The following VLDLR variants were observed in gnomAD, a reference collection of about 807,000 sequenced individuals.
VLDLR encodes the protein very low density lipoprotein receptor.
In VLDLR, 81 loss-of-function variants were observed where a neutral mutation model predicts 112.7. The ratio of observed to expected loss-of-function variants is 0.72; its 90% CI spans 0.60 to 0.86. The LOEUF (loss-of-function observed/expected upper bound fraction) is 0.86. VLDLR is among the 40% of genes least tolerant of loss of function. VLDLR has a pLI of 0.00. For missense variants in VLDLR, 1,237 were observed against 1,099.4 expected, an observed-to-expected ratio of 1.13 and a Z score of -1.77; for synonymous variants, 436 against 384.8, an observed-to-expected ratio of 1.13 and a Z score of -1.56.
rs1818707535 is a variant in VLDLR at position 2,659,034 on chromosome 9, T to A, written c.*5166T>A. ...ACCTCCTAGGACATGGAAACAAATA[T>A]TTGGGAGCCTGCATAGTCTTTAGAT... On this transcript the variant is annotated 3_prime_UTR_variant, in exon 19 of 19. Coordinates refer to ENST00000382100, the MANE Select transcript of VLDLR (RefSeq NM_003383.5). 1 of 152,148 alleles carries A rather than the reference T, an allele frequency of 6.6e-6. No homozygotes were observed. The highest frequency in any genetic ancestry group is 1.5e-5 in the Non-Finnish European group (1 of 68,022). 9.4% of individuals were successfully genotyped at this position (152,148 alleles called of 1,614,324 possible).
rs58761390 is a variant in VLDLR, at chr9:2,657,491, C to G, written c.*3623C>G. 3 of 152,266 alleles carry G rather than the reference C, an allele frequency of 2.0e-5. No homozygotes were observed. The highest frequency in any genetic ancestry group is 4.2e-4 in the South Asian group (2 of 4,812). The allele number at this position is 152,266 out of a possible 1,614,324, so 9.4% of individuals were successfully genotyped here. On this transcript the variant is annotated 3_prime_UTR_variant, in exon 19 of 19. Coordinates refer to ENST00000382100, the MANE Select transcript of VLDLR (RefSeq NM_003383.5). ...ACATCAAACTCCTAACAAGTAGGAG[C>G]AGCAACTAGCTAAAGAGTAGAAAGA...
Position 2,648,676 on chromosome 9 carries a change from T to A in VLDLR, c.1970T>A (p.Val657Asp). ...PLALTIFEDRVYWIDGENEAV... is the reference protein window; with the variant it reads ...PLALTIFEDRDYWIDGENEAV... ...TGTGGGCTTCTGTTTTAGGATCGTG[T>A]CTACTGGATAGATGGGGAAAATGAA... The change falls in exon 14 of 19, where the codon GTC becomes GAC. Residue 657 changes from valine (V) to aspartate (D), a missense_variant. Coordinates refer to ENST00000382100, the MANE Select transcript of VLDLR (RefSeq NM_003383.5). The A allele has an allele frequency of 6.2e-7, 1 of 1,614,214 alleles. No individual in the cohort carries two copies. The highest frequency in any genetic ancestry group is 8.5e-7 in the Non-Finnish European group (1 of 1,180,030).
Position 2,659,628 on chromosome 9 carries a change from C to CT in VLDLR, c.*5762dup, listed in dbSNP as rs2130823909. On this transcript the variant is annotated 3_prime_UTR_variant, in exon 19 of 19. Coordinates refer to ENST00000382100, the MANE Select transcript of VLDLR (RefSeq NM_003383.5). ...GAAAACAAACTGTACCACAACAAAT[C>CT]TTAAGTTTCAAGGCTCTCCTATAGG... 6.6e-6 allele frequency: 1 copy of CT among 152,294 alleles called. No individual in the cohort carries two copies. The highest frequency in any genetic ancestry group is 2.4e-5 in the African/African-American group (1 of 41,570). The allele number at this position is 152,294 out of a possible 1,614,324, so 9.4% of individuals were successfully genotyped here. A position where few individuals can be genotyped will look rare whatever the true frequency, so the allele number is the denominator to read the frequency against.
intron 1 of VLDLR, among the ~76,000 whole-genome samples, chr9:2,630,088 C>T (rs1426797683): frequency 6.6e-6 from 1 of 152,206 alleles, no homozygotes; most frequent in African/African-American, 2.4e-5. Context: ...GCCACCGTGC[C>T]TGGCCCAAAC....
intron 4 of VLDLR, 91 bp from the exon 5 acceptor site, chr9:2,643,069 G>C (rs1817893225): frequency 6.3e-7 from 1 of 1,580,774 alleles, no homozygotes; most frequent in Admixed American, 1.7e-5. Flanking sequence ...TAGGATTAAT[G>C]AATAAAGATC....
chr9:2,653,728 C>CTGAG (rs371416092), intron 18 of VLDLR, 105 bp from the exon 19 acceptor site: 3 of 1,180,608 alleles, frequency 2.5e-6, no homozygotes, highest in African/African-American at 1.5e-5. Context: ...TCTAAGCACT[C>CTGAG]TGAGTGTTTG....
At chr9:2,644,355 G>A (rs2078560263) in intron 7 of VLDLR, among the ~76,000 whole-genome samples, 1 of 134,040 alleles carries the variant, frequency 7.5e-6, no homozygotes. Context: ...ATTTTTAGTA[G>A]AGACAGGGTT....
chr9:2,645,803 A>G, intron 10 of VLDLR, 58 bp downstream of exon 10: 1 of 1,605,452 alleles, frequency 6.2e-7, no homozygotes, highest in Non-Finnish European at 8.5e-7. Context: ...TTGGGAAGTG[A>G]TCTGTGGGAT....
Position 2,648,680 on chromosome 9 carries a change from C to T in VLDLR, c.1974C>T (p.Tyr658=). 6.2e-7 allele frequency: 1 copy of T among 1,614,156 alleles called. No homozygotes were observed. Residue 658 remains tyrosine (Y), a synonymous_variant, in exon 14 of 19, where the codon TAC becomes TAT. Coordinates refer to ENST00000382100, the MANE Select transcript of VLDLR (RefSeq NM_003383.5). ...GGCTTCTGTTTTAGGATCGTGTCTA[C>T]TGGATAGATGGGGAAAATGAAGCAG... ...LALTIFEDRV[Y]WIDGENEAVY...
At chr9:2,625,257 G>A (rs1055286441) in intron 1 of VLDLR, among the ~76,000 whole-genome samples, 1 of 152,178 alleles carries the variant, frequency 6.6e-6, no homozygotes, top group Non-Finnish European at 1.5e-5. Flanking sequence ...GACTTAACAA[G>A]AACTCCTAGA....
In VLDLR at chr9:2,656,384, A is replaced by T. The variant is rs929135103; in HGVS notation, c.*2516A>T. ...CAAGGCAGGAGGATCACTTGAGGCC[A>T]GGAGTTCGAGACCAGCCTGAGCAAC... On this transcript the variant is annotated 3_prime_UTR_variant, in exon 19 of 19. Coordinates refer to ENST00000382100, the MANE Select transcript of VLDLR (RefSeq NM_003383.5). 1 of 152,236 alleles carries T rather than the reference A, an allele frequency of 6.6e-6. No individual in the cohort carries two copies. Among genetic ancestry groups the T allele is most frequent in the Non-Finnish European group, 1.5e-5 (1 of 68,072 alleles). 9.4% of individuals were successfully genotyped at this position (152,236 alleles called of 1,614,324 possible).
chr9:2,647,698 C>G, intron 12 of VLDLR, 106 bp downstream of exon 12: 2 of 1,025,988 alleles, frequency 1.9e-6, no homozygotes, highest in Admixed American at 3.4e-5. Context: ...CTGCTTCCGC[C>G]TAAATTCTAG....
rs1818069960 is a variant in VLDLR, at chr9:2,646,361, A to G, written c.1512A>G (p.Arg504=). The change falls in exon 11 of 19, where the codon AGA becomes AGG. Residue 504 remains arginine (R), a synonymous_variant. Coordinates refer to ENST00000382100, the MANE Select transcript of VLDLR (RefSeq NM_003383.5). ...CCTCAATTGATGACAAGGTTGGTAG[A>G]CATGTTAAAATGATCGACAATGTCT... ...FSASIDDKVG[R]HVKMIDNVYN... The G allele has an allele frequency of 6.2e-7, 1 of 1,614,186 alleles. No homozygotes were observed. The highest frequency in any genetic ancestry group is 8.5e-7 in the Non-Finnish European group (1 of 1,180,022).
At chr9:2,636,595 G>C (rs893461852) in intron 2 of VLDLR, among the ~76,000 whole-genome samples, 21 of 152,214 alleles carry the variant, frequency 1.4e-4, no homozygotes, top group African/African-American at 5.1e-4. Context: ...AGCTCCTTTA[G>C]AAGCATAAGA....
intron 2 of VLDLR, among the ~76,000 whole-genome samples, chr9:2,638,386 A>T (rs1228720939): frequency 6.6e-6 from 1 of 152,202 alleles, no homozygotes; most frequent in Non-Finnish European, 1.5e-5. Context: ...ACCTGCTTTA[A>T]ACCAGTGATT....
At chr9:2,630,926 T>C (rs1817321699) in intron 1 of VLDLR, among the ~76,000 whole-genome samples, 1 of 152,160 alleles carries the variant, frequency 6.6e-6, no homozygotes, top group South Asian at 2.1e-4. Flanking sequence ...CAAACTATTA[T>C]CTGACAGGAG....
chr9:2,644,650 G>C, intron 7 of VLDLR, 84 bp from the exon 8 acceptor site: 1 of 1,594,308 alleles, frequency 6.3e-7, no homozygotes. Flanking sequence ...AACTAGATAA[G>C]TTATCACAAA....
In VLDLR at chr9:2,656,528, C is replaced by CTTT. The variant is rs1818616235; in HGVS notation, c.*2661_*2662insTTT. ...TAATAGTGCATGAATGATAACAGGC[C>CTTT]TCGGCTTTATCACCCAAAAAATAAC... On this transcript the variant is annotated 3_prime_UTR_variant, in exon 19 of 19. Coordinates refer to ENST00000382100, the MANE Select transcript of VLDLR (RefSeq NM_003383.5). 2 of 152,048 alleles carry CTTT rather than the reference C, an allele frequency of 1.3e-5. No homozygotes were observed. The highest frequency in any genetic ancestry group is 2.9e-5 in the Non-Finnish European group (2 of 68,018). The allele number at this position is 152,048 out of a possible 1,614,324, so 9.4% of individuals were successfully genotyped here. A position where few individuals can be genotyped will look rare whatever the true frequency, so the allele number is the denominator to read the frequency against.
At chr9:2,642,445 G>T (rs1817873009) in intron 4 of VLDLR, among the ~76,000 whole-genome samples, 1 of 152,162 alleles carries the variant, frequency 6.6e-6, no homozygotes, top group Non-Finnish European at 1.5e-5. Flanking sequence ...GCTGCCAAGT[G>T]TTTCCCTTAT....
Sources: gnomAD v4.1 joint callset for allele counts (sites outside exome capture counted in the v4.1 genomes callset) on GRCh38, gnomAD v4.1.1 for gene constraint, MANE v1.5 for transcripts, NCBI Gene and HGNC (gene_info 2026-07-23, HGNC 2026-07-21) for gene names.